Variants in COQ8B observed in about 807,000 individuals in gnomAD.
The protein encoded by COQ8B is atypical kinase COQ8B, mitochondrial.
In COQ8B, 44 loss-of-function variants were observed where a neutral mutation model predicts 62.0. That is an observed-to-expected ratio of 0.71 (90% CI 0.56 to 0.91). The LOEUF is 0.91. Among genes scored for constraint, COQ8B ranks in the 40% least tolerant of loss-of-function variants. The pLI is 0.00. For missense variants in COQ8B, 649 were observed against 731.6 expected, an observed-to-expected ratio of 0.89 and a Z score of 1.30; for synonymous variants, 252 against 289.9, an observed-to-expected ratio of 0.87 and a Z score of 1.33.
intron 10 of COQ8B, among the ~76,000 whole-genome samples, chr19:40,702,022 T>C (rs2082064471): frequency 6.6e-6 from 1 of 152,204 alleles, no homozygotes; most frequent in Non-Finnish European, 1.5e-5. Flanking sequence ...CTGGATAAAC[T>C]TGATGGATAT....
chr19:40,697,849 T>TAGAGAGAG (rs1224275474), intron 12 of COQ8B, among the ~76,000 whole-genome samples: 27 of 60,692 alleles, frequency 4.4e-4, no homozygotes, highest in Non-Finnish European at 5.4e-4. Flanking sequence ...TATATATATA[T>TAGAGAGAG]ATAGAGAGAG....
At position 40,700,417 on chromosome 19, in the gene COQ8B, G is replaced by A. The variant is rs2082052258; in HGVS notation, c.928C>T (p.Pro310Ser). ...LLANDPFFRV[P>S]AVVKELCTTR... is the part of the protein sequence containing the mutation. ...GTGCACAGCTCCTTAACCACGGCTG[G>A]GACCCGGAAGAAGGGGTCATTTGCC... Residue 310 changes from proline (P) to serine (S), a missense_variant, in exon 11 of 15, where the codon CCA becomes TCA. Transcript: ENST00000324464. 1 of 1,613,894 alleles carries A rather than the reference G, an allele frequency of 6.2e-7. No individual in the cohort carries two copies. The highest frequency in any genetic ancestry group is 8.5e-7 in the Non-Finnish European group (1 of 1,179,976).
At chr19:40,709,030 T>C (rs1568442325) in intron 5 of COQ8B, among the ~76,000 whole-genome samples, 1 of 152,310 alleles carries the variant, frequency 6.6e-6, no homozygotes, top group South Asian at 2.1e-4. Flanking sequence ...TTCAACATGG[T>C]ACCATTCTGC....
In COQ8B at chr19:40,691,942, G is replaced by A; in HGVS notation, c.*93C>T. ...CCAGGCAAGACTGGGAAGCCCAAGG[G>A]GGCTCCTCTGACCCAGGGCAGACGG... On this transcript the variant is annotated 3_prime_UTR_variant, in exon 15 of 15. Coordinates refer to ENST00000324464, the MANE Select transcript of COQ8B (RefSeq NM_024876.4). 8.1e-7 allele frequency: 1 copy of A among 1,240,978 alleles called. No individual in the cohort carries two copies. Among genetic ancestry groups the A allele is most frequent in the Non-Finnish European group, 1.1e-6 (1 of 938,352 alleles). The allele number at this position is 1,240,978 out of a possible 1,614,324, so 76.9% of individuals were successfully genotyped here. A position where few individuals can be genotyped will look rare whatever the true frequency, so the allele number is the denominator to read the frequency against.
chr19:40,714,115 C>T lies in COQ8B; in HGVS notation c.241G>A (p.Glu81Lys). The change falls in exon 4 of 15, where the codon GAA (glutamate) becomes AAA (lysine). Residue 81 changes from glutamate (E) to lysine (K), a missense_variant. Physicochemically the swap from Glu to Lys is moderately conservative, Grantham distance 56. Coordinates refer to ENST00000324464, the MANE Select transcript of COQ8B (RefSeq NM_024876.4). ...PRPQLSDRSR[E>K]RKVPASRISR... is the part of the protein sequence containing the mutation. ...ATGCGGGAGGCAGGCACCTTGCGTT[C>T]TCGAGAGCGGTCACTCAGCTGGGAA... The T allele has an allele frequency of 6.2e-7, 1 of 1,614,178 alleles. No individual in the cohort carries two copies. The highest frequency in any genetic ancestry group is 1.3e-5 in the African/African-American group (1 of 75,054).
chr19:40,697,878 T>TGAGAGAG (rs1291467876), intron 12 of COQ8B, among the ~76,000 whole-genome samples: 2 of 31,120 alleles, frequency 6.4e-5, no homozygotes, highest in Admixed American at 4.9e-4. Flanking sequence ...AGAGAGAGAG[T>TGAGAGAG]TTCTACTGGG....
intron 12 of COQ8B, among the ~76,000 whole-genome samples, chr19:40,697,436 T>C (rs1401134326): frequency 1.3e-5 from 2 of 152,192 alleles, no homozygotes; most frequent in Non-Finnish European, 2.9e-5. Context: ...TTGTGCTCAA[T>C]GAACACCTGT....
At chr19:40,714,504 T>C in intron 2 of COQ8B, 27 bp downstream of exon 2, 1 of 1,613,322 alleles carries the variant, frequency 6.2e-7, no homozygotes, top group Non-Finnish European at 8.5e-7. Context: ...CCTCTTCCCC[T>C]TGGGGACCTG....
intron 13 of COQ8B, among the ~76,000 whole-genome samples, chr19:40,694,351 T>C (rs1369016449): frequency 6.6e-6 from 1 of 152,224 alleles, no homozygotes; most frequent in East Asian, 1.9e-4. Flanking sequence ...TTTCAAATTC[T>C]GACTGCATCC....
intron 14 of COQ8B, 35 bp from the exon 15 acceptor site, chr19:40,692,408 C>T: frequency 6.3e-7 from 1 of 1,591,412 alleles, no homozygotes; most frequent in East Asian, 2.3e-5. Context: ...CAAAGGCAGC[C>T]AGTGTGGACA....
intron 12 of COQ8B, among the ~76,000 whole-genome samples, chr19:40,697,188 T>C (rs2082021052): frequency 6.6e-6 from 1 of 151,960 alleles, no homozygotes; most frequent in South Asian, 2.1e-4. Context: ...CATGGCTTAC[T>C]ACAGCCTCAA....
chr19:40,702,050 G>A (rs1469163409), intron 10 of COQ8B, among the ~76,000 whole-genome samples: 3 of 152,120 alleles, frequency 2.0e-5, no homozygotes, highest in Non-Finnish European at 4.4e-5. Flanking sequence ...TTCCAGTTTG[G>A]GGCTGTTGCA....
intron 13 of COQ8B, among the ~76,000 whole-genome samples, 193 bp downstream of exon 13, chr19:40,695,796 C>T (rs1244239590): frequency 1.3e-5 from 2 of 152,162 alleles, no homozygotes; most frequent in Non-Finnish European, 2.9e-5. Context: ...TGGTTTATAT[C>T]GGTTCCTATA....
intron 13 of COQ8B, 68 bp downstream of exon 13, chr19:40,695,921 C>T (rs903279907): frequency 6.7e-7 from 1 of 1,494,908 alleles, no homozygotes; most frequent in African/African-American, 1.4e-5. Context: ...CGCCTTCTTA[C>T]TCCTCTGCCT....
intron 4 of COQ8B, among the ~76,000 whole-genome samples, chr19:40,712,317 G>A (rs7250888): frequency 0.07 from 10,513 of 150,568 alleles, 450 homozygotes; most frequent in East Asian, 0.18. Context: ...GCTCACGTCT[G>A]TAATCCTGGC....
intron 11 of COQ8B, 31 bp downstream of exon 11, chr19:40,700,279 G>A: frequency 6.2e-7 from 1 of 1,611,440 alleles, no homozygotes. Flanking sequence ...CTGGGGCCAT[G>A]CCCTTCCCAC....
Position 40,703,867 on chromosome 19 carries a change from G to A in COQ8B, c.577-12C>T, listed in dbSNP as rs2082080800. The A allele has an allele frequency of 6.3e-7, 1 of 1,599,742 alleles. No homozygotes were observed. Among genetic ancestry groups the A allele is most frequent in the South Asian group, 1.1e-5 (1 of 89,920 alleles). On this transcript the variant is annotated splice_polypyrimidine_tract_variant and intron_variant, in intron 7 of 14. Coordinates refer to ENST00000324464, the MANE Select transcript of COQ8B (RefSeq NM_024876.4). ...TCTTCAAGAACTCTCTGCGGGGAGT[G>A]GTCACAGCCATCATCATTGTGGCAG...
intron 1 of COQ8B, chr19:40,715,535 A>T: frequency 1.0e-6 from 1 of 985,440 alleles, no homozygotes; most frequent in Non-Finnish European, 1.2e-6. Flanking sequence ...CTTTGCACAA[A>T]CACCCACATT....
intron 12 of COQ8B, among the ~76,000 whole-genome samples, chr19:40,699,113 C>T (rs2082041570): frequency 3.3e-5 from 5 of 151,936 alleles, no homozygotes; most frequent in African/African-American, 9.7e-5. Context: ...CATGCTCAGC[C>T]TCTGGTCTCA....
Sources: gnomAD v4.1 joint callset for allele counts (sites outside exome capture counted in the v4.1 genomes callset) on GRCh38, gnomAD v4.1.1 for gene constraint, MANE v1.5 for transcripts, NCBI Gene and HGNC (gene_info 2026-07-23, HGNC 2026-07-21) for gene names.